ENG: variants seen among roughly 807,000 people sequenced by gnomAD.
ENG encodes the protein endoglin, also known as CD105 antigen.
ENG carries 17 observed loss-of-function variants against 71.0 expected under a neutral mutation model. That is an observed-to-expected ratio of 0.24 (90% CI 0.16 to 0.36). The LOEUF (loss-of-function observed/expected upper bound fraction) is 0.36. ENG is among the 10% of genes least tolerant of loss of function. The pLI, the probability that ENG is intolerant of heterozygous loss-of-function variation, is 1.00. For synonymous variants in ENG, 360 were observed against 366.9 expected (o/e 0.98, Z 0.21); for missense variants, 749 against 868.3 (o/e 0.86, Z 1.73).
At chr9:127,845,453 C>T (rs571664398) in intron 1 of ENG, among the ~76,000 whole-genome samples, 5 of 152,230 alleles carry the variant, frequency 3.3e-5, no homozygotes, top group Non-Finnish European at 7.3e-5. Flanking sequence ...CTCTCTGACC[C>T]TATCCTACAT....
intron 8 of ENG, among the ~76,000 whole-genome samples, chr9:127,821,879 T>C (rs1830475600): frequency 2.3e-5 from 1 of 43,172 alleles, no homozygotes; most frequent in East Asian, 6.8e-4. Flanking sequence ...TGAGACTGTC[T>C]TAAAAAAAAA....
intron 11 of ENG, 144 bp from the exon 12 acceptor site, chr9:127,818,521 G>T (rs112927907): frequency 2.0e-5 from 29 of 1,476,758 alleles, no homozygotes; most frequent in African/African-American, 1.9e-4. Flanking sequence ...GTCTGGGGCA[G>T]AGGAGGAGGA....
chr9:127,843,755 A>ATATATATATATT (rs1554812402), intron 1 of ENG, among the ~76,000 whole-genome samples: 1 of 25,042 alleles, frequency 4.0e-5, no homozygotes, highest in Non-Finnish European at 6.9e-5. Flanking sequence ...ATATATATAT[A>ATATATATATATT]TTTTTTTTTT....
rs138032558 is a variant in ENG at position 127,828,381 on chromosome 9, C to G, written c.360+1306G>C. The stretch of plus-strand genomic sequence containing the variant: ...GTCTGTTGGTCGCCTGGCACTGGGT[C>G]GGCCACCGAGGCCGCGCCTTGGCCT... On this transcript the variant is annotated intron_variant, in intron 3 of 14. Coordinates refer to ENST00000373203, the MANE Select transcript of ENG (RefSeq NM_001114753.3). Among the ~76,000 whole-genome samples, 652 of 152,330 alleles carry G rather than the reference C, an allele frequency of 4.3e-3. 5 individuals carry two copies. Among genetic ancestry groups the G allele is most frequent in the Non-Finnish European group, 7.1e-3 (483 of 68,026 alleles).
At chr9:127,817,266 T>G (rs1830347395) in intron 12 of ENG, 63 bp from the exon 13 acceptor site, 2 of 1,570,482 alleles carry the variant, frequency 1.3e-6, no homozygotes, top group African/African-American at 2.7e-5. Flanking sequence ...GTTTACTCCC[T>G]GGCTCCGTGA....
chr9:127,853,980 C>T (rs1829090176), intron 1 of ENG, among the ~76,000 whole-genome samples: 1 of 152,224 alleles, frequency 6.6e-6, no homozygotes, highest in African/African-American at 2.4e-5. Flanking sequence ...GAAACTCTCC[C>T]GTCGCTGCAC....
Position 127,816,033 on chromosome 9 carries a change from C to T in ENG, c.1762G>A (p.Val588Ile), listed in dbSNP as rs201768056. ...GTGATGCCCAGCACGGCGGGCAGGA[C>T]GAGGCCTTTGCTTGTGCAACCTAGA... ...DLSGCTSKGL[V>I]LPAVLGITFG... The change falls in exon 14 of 15, where the codon GTC becomes ATC. Residue 588 changes from valine to isoleucine, a missense_variant. Coordinates refer to ENST00000373203, the MANE Select transcript of ENG (RefSeq NM_001114753.3). The T allele has an allele frequency of 1.4e-4, 231 of 1,610,272 alleles. No individual in the cohort carries two copies. The highest frequency in any genetic ancestry group is 1.6e-4 in the Non-Finnish European group (193 of 1,179,140).
intron 8 of ENG, chr9:127,821,318 C>T (rs1830461388): frequency 6.6e-6 from 1 of 152,052 alleles, no homozygotes; most frequent in Non-Finnish European, 1.5e-5. Context: ...ATAGTCCCAG[C>T]TACTGGGAAG....
chr9:127,820,230 AC>A (rs1232966892), intron 8 of ENG, among the ~76,000 whole-genome samples, 193 bp from the exon 9 acceptor site: 1 of 151,494 alleles, frequency 6.6e-6, no homozygotes, highest in Non-Finnish European at 1.5e-5. Context: ...ATGGAGTCTC[AC>A]TCTTTTTGCC....
At position 127,834,778 on chromosome 9, in the gene ENG, T is replaced by C. The variant is rs988622302; in HGVS notation, c.220-4951A>G. Among the ~76,000 whole-genome samples, 213 of 145,108 alleles carry C rather than the reference T, an allele frequency of 1.5e-3. 1 individual carries two copies. The highest frequency in any genetic ancestry group is 3.1e-3 in the South Asian group (14 of 4,458). The stretch of plus-strand genomic sequence containing the variant: ...GGTCTTAATCTCTTGACCTGTGATC[T>C]GCCTGCCTCAGCCTCCCAAAGTGCT... On this transcript the variant is annotated intron_variant, in intron 2 of 14. Transcript: ENST00000373203.
At chr9:127,843,838 C>A (rs1363361872) in intron 1 of ENG, among the ~76,000 whole-genome samples, 1 of 131,050 alleles carries the variant, frequency 7.6e-6, no homozygotes, top group African/African-American at 3.0e-5. Context: ...ATGGTGTGAT[C>A]TTGGCTCACC....
intron 12 of ENG, 188 bp from the exon 13 acceptor site, chr9:127,817,391 C>T (rs1830351534): frequency 1.5e-6 from 1 of 661,216 alleles, no homozygotes; most frequent in African/African-American, 1.8e-5. Flanking sequence ...AGTGGACGAT[C>T]CCTGGCTGCT....
chr9:127,826,738 A>T (rs1830627786), intron 3 of ENG, 66 bp from the exon 4 acceptor site: 1 of 1,590,292 alleles, frequency 6.3e-7, no homozygotes, highest in African/African-American at 1.3e-5. Flanking sequence ...CCCATGTAGG[A>T]GGTCAGGAAG....
Position 127,815,487 on chromosome 9 carries a change from G to T in ENG, c.*195C>A. The T allele has an allele frequency of 9.1e-7, 1 of 1,096,150 alleles. No homozygotes were observed. Among genetic ancestry groups the T allele is most frequent in the Non-Finnish European group, 1.3e-6 (1 of 792,026 alleles). The allele number at this position is 1,096,150 out of a possible 1,614,324, so 67.9% of individuals were successfully genotyped here. On this transcript the variant is annotated 3_prime_UTR_variant, in exon 15 of 15. Coordinates refer to ENST00000373203, the MANE Select transcript of ENG (RefSeq NM_001114753.3). ...ACTGGGTTGAAGGTTCTGTGGGGTGGAGGGACCCCAAGGTGTTCCAAGCCA... is the reference window on the plus strand; with the variant it reads ...ACTGGGTTGAAGGTTCTGTGGGGTGTAGGGACCCCAAGGTGTTCCAAGCCA...
chr9:127,849,244 C>G (rs10987756), intron 1 of ENG, among the ~76,000 whole-genome samples: 24,471 of 152,190 alleles, frequency 0.16, 2,756 homozygotes, highest in African/African-American at 0.31. Flanking sequence ...GGAGTAAGAA[C>G]CCCTTCCCCT....
At chr9:127,816,771 A>C (rs1188364307) in intron 13 of ENG, 1 of 359,452 alleles carries the variant, frequency 2.8e-6, no homozygotes, top group East Asian at 6.5e-5. Flanking sequence ...GGCGTCCTGC[A>C]GGGAGAGGCC....
In ENG at chr9:127,819,233, G is replaced by A. The variant is rs959638282; in HGVS notation, c.1311+389C>T. ...ATTACAGGCGTGAGCCACTGCGCCC[G>A]GCCCTTTTTTTTTTTTTTAAACTAA... On this transcript the variant is annotated intron_variant, in intron 10 of 14. Coordinates refer to ENST00000373203, the MANE Select transcript of ENG (RefSeq NM_001114753.3). 8 of 324,410 alleles carry A rather than the reference G, an allele frequency of 2.5e-5. No homozygotes were observed. In the East Asian group the frequency reaches 4.8e-4, roughly 19 times the overall value. The allele number at this position is 324,410 out of a possible 1,614,324, so 20.1% of individuals were successfully genotyped here.
chr9:127,844,469 G>A (rs144414562), intron 1 of ENG, among the ~76,000 whole-genome samples: 1,821 of 148,850 alleles, frequency 0.012, 31 homozygotes, highest in African/African-American at 0.04. Context: ...TGTTGCTCAG[G>A]CTGGAGTGCA....
chr9:127,843,733 A>ATG, intron 1 of ENG, among the ~76,000 whole-genome samples: 1 of 3,802 alleles, frequency 2.6e-4, no homozygotes, highest in Non-Finnish European at 1.1e-3. Context: ...ACACATCCAC[A>ATG]TACATATATA....
Sources: gnomAD v4.1 joint callset for allele counts (sites outside exome capture counted in the v4.1 genomes callset) on GRCh38, gnomAD v4.1.1 for gene constraint, MANE v1.5 for transcripts, NCBI Gene and HGNC (gene_info 2026-07-23, HGNC 2026-07-21) for gene names.